Variants in RSU1 observed in about 807,000 individuals in gnomAD.
RSU1 encodes the protein rsu-1.
A neutral mutation model predicts 31.1 loss-of-function variants in RSU1; 26 were observed. The ratio of observed to expected loss-of-function variants is 0.84; its 90% CI spans 0.61 to 1.16. The LOEUF is 1.16. Among genes scored for constraint, RSU1 ranks in the 50% most tolerant of loss-of-function variants. The pLI is 0.00. For synonymous variants in RSU1, 164 were observed against 136.3 expected (o/e 1.20, Z -1.41); for missense variants, 320 against 339.1 (o/e 0.94, Z 0.44).
chr10:16,611,421 A>AT (rs1396738278), intron 8 of RSU1, among the ~76,000 whole-genome samples: 1 of 152,156 alleles, frequency 6.6e-6, no homozygotes. Context: ...TTGTTGAGGA[A>AT]TTTTTTTCCC....
At chr10:16,637,037 C>A (rs1437595694) in intron 8 of RSU1, among the ~76,000 whole-genome samples, 2 of 152,194 alleles carry the variant, frequency 1.3e-5, no homozygotes, top group Non-Finnish European at 2.9e-5. Context: ...AAAAAAACGG[C>A]TATGCTTGTA....
intron 8 of RSU1, among the ~76,000 whole-genome samples, chr10:16,643,033 T>A (rs550992355): frequency 6.6e-6 from 1 of 152,198 alleles, no homozygotes; most frequent in Non-Finnish European, 1.5e-5. Flanking sequence ...ACAAAAAAAA[T>A]TAATATTTTC....
chr10:16,799,678 G>C (rs1051659893), intron 2 of RSU1, among the ~76,000 whole-genome samples: 5 of 152,128 alleles, frequency 3.3e-5, no homozygotes, highest in African/African-American at 1.2e-4. Flanking sequence ...AGCAACCACT[G>C]TGAAAGAAGC....
At chr10:16,594,911 A>G (rs1833585980) in intron 8 of RSU1, among the ~76,000 whole-genome samples, 1 of 150,420 alleles carries the variant, frequency 6.6e-6, no homozygotes, top group African/African-American at 2.5e-5. Flanking sequence ...CAGCCTCCTG[A>G]GTAACTGGGC....
chr10:16,625,135 A>C (rs887206020), intron 8 of RSU1, among the ~76,000 whole-genome samples: 1 of 152,190 alleles, frequency 6.6e-6, no homozygotes, highest in Non-Finnish European at 1.5e-5. Flanking sequence ...GGGGAAATTC[A>C]GGCAGAATCC....
chr10:16,803,113 G>C (rs1838190961), intron 2 of RSU1, among the ~76,000 whole-genome samples: 1 of 152,120 alleles, frequency 6.6e-6, no homozygotes, highest in South Asian at 2.1e-4. Flanking sequence ...ATAATATGAT[G>C]TGTACGTAGA....
intron 7 of RSU1, among the ~76,000 whole-genome samples, chr10:16,745,140 A>G (rs1364908005): frequency 6.6e-6 from 1 of 152,192 alleles, no homozygotes; most frequent in Non-Finnish European, 1.5e-5. Flanking sequence ...GGTTTCAGAA[A>G]GCTGGTCTCT....
chr10:16,627,752 C>G (rs1834182505), intron 8 of RSU1, among the ~76,000 whole-genome samples: 1 of 122,400 alleles, frequency 8.2e-6, no homozygotes, highest in African/African-American at 3.5e-5. Context: ...AGTGAAACTC[C>G]ATCTCAATAC....
At chr10:16,613,394 CTG>C (rs1382449750) in intron 8 of RSU1, among the ~76,000 whole-genome samples, 2 of 152,296 alleles carry the variant, frequency 1.3e-5, no homozygotes, top group Non-Finnish European at 2.9e-5. Context: ...GGTTCAGAGA[CTG>C]TGTGGGTTCA....
intron 8 of RSU1, among the ~76,000 whole-genome samples, chr10:16,621,432 G>A (rs959440957): frequency 6.6e-6 from 1 of 152,192 alleles, no homozygotes; most frequent in Non-Finnish European, 1.5e-5. Context: ...CCTTCCAGTA[G>A]TGGTTCCCAA....
intron 2 of RSU1, among the ~76,000 whole-genome samples, chr10:16,798,844 AAT>A (rs78997273): frequency 0.027 from 4,108 of 152,308 alleles, 126 homozygotes; most frequent in East Asian, 0.082. Context: ...TGCCAGAAGA[AAT>A]AGAGTAACAC....
chr10:16,771,025 G>A (rs982516190), intron 3 of RSU1, among the ~76,000 whole-genome samples: 1 of 150,664 alleles, frequency 6.6e-6, no homozygotes, highest in Non-Finnish European at 1.5e-5. Flanking sequence ...TGCCTGGGCA[G>A]ATGTTCACAA....
At chr10:16,664,231 C>A (rs1321552150) in intron 8 of RSU1, among the ~76,000 whole-genome samples, 1 of 152,036 alleles carries the variant, frequency 6.6e-6, no homozygotes, top group African/African-American at 2.4e-5. Flanking sequence ...CAGATCACTC[C>A]ACGGATATTC....
intron 8 of RSU1, among the ~76,000 whole-genome samples, chr10:16,645,523 A>G (rs75072828): frequency 6.6e-6 from 1 of 152,044 alleles, no homozygotes; most frequent in Non-Finnish European, 1.5e-5. Context: ...ACAAGTCACA[A>G]TGTGGCTGGG....
intron 8 of RSU1, 39 bp from the exon 9 acceptor site, chr10:16,593,535 G>T (rs1192049850): frequency 1.3e-6 from 2 of 1,495,588 alleles, no homozygotes; most frequent in African/African-American, 1.4e-5. Context: ...GATCTATTTT[G>T]CCAACACAAG....
chr10:16,610,616 T>C (rs1833877175), intron 8 of RSU1, among the ~76,000 whole-genome samples: 1 of 152,214 alleles, frequency 6.6e-6, no homozygotes, highest in South Asian at 2.1e-4. Context: ...CACCCCCAGA[T>C]GGGACTGTCT....
intron 8 of RSU1, among the ~76,000 whole-genome samples, chr10:16,644,417 T>C (rs905192020): frequency 2.6e-5 from 4 of 152,244 alleles, no homozygotes; most frequent in African/African-American, 9.6e-5. Flanking sequence ...GAGTGGCATT[T>C]CCCACGTGCC....
intron 7 of RSU1, among the ~76,000 whole-genome samples, chr10:16,705,164 C>A (rs1374412829): frequency 6.6e-6 from 1 of 152,108 alleles, no homozygotes; most frequent in Non-Finnish European, 1.5e-5. Context: ...CATATAATTT[C>A]CTCAAGGTTC....
At chr10:16,714,833 A>G (rs1203242640) in intron 7 of RSU1, among the ~76,000 whole-genome samples, 1 of 152,124 alleles carries the variant, frequency 6.6e-6, no homozygotes, top group Non-Finnish European at 1.5e-5. Flanking sequence ...GAAGCTGCTT[A>G]GGTTGCGGGT....
Sources: gnomAD v4.1 joint callset for allele counts (sites outside exome capture counted in the v4.1 genomes callset) on GRCh38, gnomAD v4.1.1 for gene constraint, MANE v1.5 for transcripts, NCBI Gene and HGNC (gene_info 2026-07-23, HGNC 2026-07-21) for gene names.